The following WWC1 variants were observed in gnomAD, a reference collection of about 807,000 sequenced individuals.
The protein encoded by WWC1 is protein KIBRA.
WWC1 carries 55 observed loss-of-function variants against 138.4 expected under a neutral mutation model. The ratio of observed to expected loss-of-function variants is 0.40; its 90% CI spans 0.32 to 0.50. The LOEUF (loss-of-function observed/expected upper bound fraction) is 0.50. Ranked by LOEUF, WWC1 falls within the 20% of genes least tolerant of loss-of-function variation. The probability of loss-of-function intolerance (pLI) is 0.72; values close to 1 mark genes in which losing one functional copy is unlikely to be tolerated. For missense variants in WWC1, 1,226 were observed against 1,420.4 expected (o/e 0.86, Z 2.20); for synonymous variants, 524 against 564.9 (o/e 0.93, Z 1.03).
chr5:168,296,033 G>T (rs1561575934), intron 1 of WWC1, among the ~76,000 whole-genome samples: 1 of 152,244 alleles, frequency 6.6e-6, no homozygotes. Context: ...CAGCACCTTG[G>T]AGCCGTGCTC....
At position 168,472,198 on chromosome 5, in the gene WWC1, C is replaced by G. The variant is rs978617795; in HGVS notation, c.*3181C>G. 2 of 152,236 alleles carry G rather than the reference C, an allele frequency of 1.3e-5. No individual in the cohort carries two copies. The highest frequency in any genetic ancestry group is 2.4e-5 in the African/African-American group (1 of 41,450). 9.4% of individuals were successfully genotyped at this position (152,236 alleles called of 1,614,324 possible). A position where few individuals can be genotyped will look rare whatever the true frequency, so the allele number is the denominator to read the frequency against. On this transcript the variant is annotated 3_prime_UTR_variant, in exon 23 of 23. Coordinates refer to ENST00000265293, the MANE Select transcript of WWC1 (RefSeq NM_015238.3). Reference sequence around the variant, plus strand: ...GGAAGGCAGCAGACCCTCTTCCAGCCATGGATGGAGTTGAATTCTCTATAA... The same window carrying G: ...GGAAGGCAGCAGACCCTCTTCCAGCGATGGATGGAGTTGAATTCTCTATAA...
intron 2 of WWC1, among the ~76,000 whole-genome samples, chr5:168,381,777 T>G (rs1373427989): frequency 1.3e-5 from 2 of 148,586 alleles, no homozygotes; most frequent in Middle Eastern, 6.3e-3. Flanking sequence ...TTTTTGAAGC[T>G]TCTCTGCTAA....
chr5:168,421,346 T>G (rs1781075626), intron 9 of WWC1, among the ~76,000 whole-genome samples: 1 of 152,138 alleles, frequency 6.6e-6, no homozygotes, highest in Non-Finnish European at 1.5e-5. Flanking sequence ...AGCCACAGAG[T>G]CACTTGACTG....
intron 1 of WWC1, among the ~76,000 whole-genome samples, chr5:168,332,213 T>G (rs929917785): frequency 4.0e-5 from 6 of 151,880 alleles, no homozygotes; most frequent in African/African-American, 1.5e-4. Flanking sequence ...ACACTGTGAA[T>G]GAGAAACACA....
chr5:168,297,924 T>C (rs1769701511), intron 1 of WWC1, among the ~76,000 whole-genome samples: 1 of 152,224 alleles, frequency 6.6e-6, no homozygotes, highest in South Asian at 2.1e-4. Context: ...ATTTGCTGTA[T>C]GTCAAATGAT....
intron 3 of WWC1, among the ~76,000 whole-genome samples, chr5:168,390,014 A>G (rs1039548563): frequency 6.6e-6 from 1 of 152,232 alleles, no homozygotes; most frequent in Non-Finnish European, 1.5e-5. Context: ...AAATAGTCCT[A>G]TTGATAGGAA....
intron 1 of WWC1, among the ~76,000 whole-genome samples, chr5:168,300,699 G>T (rs1009287877): frequency 6.7e-6 from 1 of 149,732 alleles, no homozygotes; most frequent in Non-Finnish European, 1.5e-5. Flanking sequence ...AACTGCAGCT[G>T]CTGACTTTCC....
intron 2 of WWC1, among the ~76,000 whole-genome samples, chr5:168,382,245 A>G (rs1284980067): frequency 6.6e-6 from 1 of 152,230 alleles, no homozygotes; most frequent in Non-Finnish European, 1.5e-5. Context: ...AGACCAATAT[A>G]AATGGCATGG....
chr5:168,436,104 A>C (rs961148636), intron 15 of WWC1, among the ~76,000 whole-genome samples: 1 of 151,950 alleles, frequency 6.6e-6, no homozygotes, highest in African/African-American at 2.4e-5. Flanking sequence ...TTTCCTCCGA[A>C]AGTGGTGGGA....
intron 17 of WWC1, among the ~76,000 whole-genome samples, chr5:168,450,569 G>A (rs1755704205): frequency 1.3e-5 from 2 of 152,304 alleles, no homozygotes; most frequent in Admixed American, 1.3e-4. Context: ...GGGAGGCTGA[G>A]GCGGGAGAAT....
chr5:168,424,723 A>C (rs1781372741), intron 11 of WWC1, among the ~76,000 whole-genome samples: 1 of 152,220 alleles, frequency 6.6e-6, no homozygotes, highest in South Asian at 2.1e-4. Flanking sequence ...GTGAGGCTGG[A>C]GAACTAGGCA....
chr5:168,433,409 C>A (rs562403206), intron 15 of WWC1, among the ~76,000 whole-genome samples: 1 of 152,334 alleles, frequency 6.6e-6, no homozygotes, highest in East Asian at 1.9e-4. Context: ...GATATCGGTT[C>A]CCATCTCTCC....
chr5:168,348,325 C>T (rs1409909286), intron 1 of WWC1, among the ~76,000 whole-genome samples: 2 of 152,212 alleles, frequency 1.3e-5, no homozygotes, highest in Admixed American at 6.5e-5. Flanking sequence ...CCCTCACCCT[C>T]TCTACTGTTT....
chr5:168,380,580 T>C (rs765165218), intron 2 of WWC1, among the ~76,000 whole-genome samples: 4 of 152,220 alleles, frequency 2.6e-5, no homozygotes, highest in Non-Finnish European at 5.9e-5. Context: ...CTGGTGAGAA[T>C]GTAAAATGGT....
intron 1 of WWC1, among the ~76,000 whole-genome samples, chr5:168,328,993 A>C (rs895216225): frequency 6.6e-6 from 1 of 152,194 alleles, no homozygotes; most frequent in Admixed American, 6.5e-5. Context: ...AAAGCAGAAA[A>C]GCCTCATTGA....
chr5:168,334,895 G>A lies in WWC1; in HGVS notation c.120-36529G>A, dbSNP rs552673600. Among the ~76,000 whole-genome samples the A allele has an allele frequency of 7.9e-5, 12 of 152,318 alleles. No homozygotes were observed. In the South Asian group the frequency reaches 1.0e-3, roughly 13 times the overall value. On this transcript the variant is annotated intron_variant, in intron 1 of 22. Coordinates refer to ENST00000265293, the MANE Select transcript of WWC1 (RefSeq NM_015238.3). ...CTGATTGGTGGGATGGAATGCTACC[G>A]GTCCCTCTGGTATCCTGGATACGGA...
At chr5:168,336,507 G>A (rs936666179) in intron 1 of WWC1, among the ~76,000 whole-genome samples, 2 of 148,570 alleles carry the variant, frequency 1.3e-5, no homozygotes, top group African/African-American at 5.0e-5. Context: ...AGGAGGCGGA[G>A]GTTGCAGTGA....
chr5:168,400,972 C>T (rs1779262979), intron 5 of WWC1, among the ~76,000 whole-genome samples: 2 of 150,768 alleles, frequency 1.3e-5, no homozygotes, highest in African/African-American at 2.4e-5. Context: ...GACAAAGTGA[C>T]ACCCTCTCTC....
chr5:168,365,851 CT>C (rs1197975162), intron 1 of WWC1, among the ~76,000 whole-genome samples: 1 of 152,222 alleles, frequency 6.6e-6, no homozygotes, highest in African/African-American at 2.4e-5. Context: ...GTCTGGCACC[CT>C]CCCTTCTTGC....
Sources: allele counts gnomAD v4.1 joint callset (sites outside exome capture counted in the v4.1 genomes callset), GRCh38; gene constraint gnomAD v4.1.1; transcripts MANE v1.5; gene names NCBI Gene and HGNC (gene_info 2026-07-23, HGNC 2026-07-21).